The following TFAP2A variants were observed in gnomAD, a reference collection of about 807,000 sequenced individuals.
TFAP2A encodes the protein transcription factor AP-2-alpha.
In TFAP2A, 7 loss-of-function variants were observed where a neutral mutation model predicts 41.5. That is an observed-to-expected ratio of 0.17 (90% confidence interval 0.10 to 0.32). The LOEUF is 0.32. Among genes scored for constraint, TFAP2A ranks in the 10% least tolerant of loss-of-function variants. TFAP2A has a pLI of 1.00. For synonymous variants in TFAP2A, 247 were observed against 242.8 expected, an observed-to-expected ratio of 1.02 and a Z score of -0.16; for missense variants, 416 against 563.3, an observed-to-expected ratio of 0.74 and a Z score of 2.65.
Position 10,398,366 on chromosome 6 carries a change from G to A in TFAP2A, c.*51C>T. The A allele has an allele frequency of 6.2e-7, 1 of 1,609,698 alleles. No individual in the cohort carries two copies. The highest frequency in any genetic ancestry group is 1.3e-5 in the African/African-American group (1 of 74,730). ...CGGAGCTGTCACCCGCCGGAGGGTG[G>A]GCGCGCGGGGGGCTGGTGAGGCGTG... On this transcript the variant is annotated 3_prime_UTR_variant, in exon 7 of 7. Coordinates refer to ENST00000379613, the MANE Select transcript of TFAP2A (RefSeq NM_001372066.1). The surrounding 1 kb of genome is among the most constrained non-coding windows in gnomAD (Gnocchi z 5.3).
rs369249926 is a variant in TFAP2A, at chr6:10,404,280, T to G, written c.770+228A>C. Among the ~76,000 whole-genome samples the G allele has an allele frequency of 6.6e-4, 100 of 152,262 alleles. 1 individual carries two copies. Among genetic ancestry groups the G allele is most frequent in the Admixed American group, 5.8e-3 (89 of 15,304 alleles). On this transcript the variant is annotated intron_variant, in intron 4 of 6. Coordinates refer to ENST00000379613, the MANE Select transcript of TFAP2A (RefSeq NM_001372066.1). ...CAGCGAACGAAGCGCGCACCAGAAC[T>G]CGCTCGCGGGAAAGCAGCGGAGAGC...
In TFAP2A at chr6:10,398,888, G is replaced by GACC. The variant is rs1761898596; in HGVS notation, c.1032-186_1032-184dup. On this transcript the variant is annotated intron_variant, in intron 6 of 6. Transcript: ENST00000379613. This position sits in a 1 kb window ranked among gnomAD's most constrained non-coding sequence, Gnocchi z 5.3. Reference sequence around the variant, plus strand: ...TTGGGAGATCCAGCCACCTTTCAGTGACCACTAAACCATCTCTCTTTACTT... The same window carrying GACC: ...TTGGGAGATCCAGCCACCTTTCAGTGACCACCACTAAACCATCTCTCTTTACTT... Among the ~76,000 whole-genome samples the GACC allele has an allele frequency of 2.0e-5, 3 of 152,084 alleles. No homozygotes were observed.
intron 6 of TFAP2A, among the ~76,000 whole-genome samples, chr6:10,399,374 C>T (rs1402518290): frequency 6.6e-6 from 1 of 152,228 alleles, no homozygotes; most frequent in Non-Finnish European, 1.5e-5. Context: ...TTTCCCATTC[C>T]TCCTCTTTCC....
At chr6:10,407,013 G>A in intron 2 of TFAP2A, 169 bp from the exon 3 acceptor site, 1 of 661,862 alleles carries the variant, frequency 1.5e-6, no homozygotes, top group South Asian at 1.7e-5. Flanking sequence ...TTGGGGCTTT[G>A]CAACTCAAGA....
intron 4 of TFAP2A, among the ~76,000 whole-genome samples, chr6:10,403,906 T>G (rs189576736): frequency 3.3e-5 from 5 of 152,286 alleles, no homozygotes; most frequent in Non-Finnish European, 7.4e-5. Context: ...AAATTGGGAA[T>G]CATCATCATA....
chr6:10,404,577 G>C lies in TFAP2A; in HGVS notation c.701C>G (p.Ala234Gly). 1 of 1,614,108 alleles carries C rather than the reference G, an allele frequency of 6.2e-7. No individual in the cohort carries two copies. The highest frequency in any genetic ancestry group is 8.5e-7 in the Non-Finnish European group (1 of 1,179,992). Residue 234 changes from alanine to glycine, a missense_variant, in exon 4 of 7, where the codon GCG becomes GGG. Ala to Gly is a moderately conservative substitution (Grantham distance 60). Around this residue, in one of 3 missense-constraint regions of TFAP2A, gnomAD observed 59 missense variants for 135.4 expected, o/e 0.44. Coordinates refer to ENST00000379613, the MANE Select transcript of TFAP2A (RefSeq NM_001372066.1). ...SSTSKYKVTVAEVQRRLSPPE... is the reference protein window; with the variant it reads ...SSTSKYKVTVGEVQRRLSPPE... ...TGGTGAGAGCCGCCGCTGCACTTCC[G>C]CCACCGTGACCTTGTACTTCGAGGT...
intron 6 of TFAP2A, 73 bp downstream of exon 6, chr6:10,400,375 G>C (rs945508844): frequency 6.3e-7 from 1 of 1,595,030 alleles, no homozygotes; most frequent in Non-Finnish European, 8.6e-7. Flanking sequence ...GGAGAAGGAA[G>C]AGCAAAAACG....
At position 10,414,913 on chromosome 6, in the gene TFAP2A, C is replaced by G. The variant is rs752108595; in HGVS notation, c.51+28G>C. 3.1e-6 allele frequency: 5 copies of G among 1,613,064 alleles called. No homozygotes were observed. In the East Asian group the frequency reaches 8.9e-5, roughly 29 times the overall value. On this transcript the variant is annotated intron_variant, in intron 1 of 6. Coordinates refer to ENST00000379613, the MANE Select transcript of TFAP2A (RefSeq NM_001372066.1). ...GTCAAGCTCGGAGCCTGTGACCGCA[C>G]GGATGATCGAGCCGGCGTCGCGCTT...
At chr6:10,407,146 A>C in intron 2 of TFAP2A, 3 of 421,580 alleles carry the variant, frequency 7.1e-6, no homozygotes, top group Non-Finnish European at 1.3e-5. Context: ...GCACCTAATC[A>C]TTCTCAGTCA....
In TFAP2A at chr6:10,398,543, C is replaced by A. The variant is rs2230116; in HGVS notation, c.1194G>T (p.Thr398=). The A allele has an allele frequency of 2.7e-3, 4,283 of 1,614,180 alleles. 111 individuals carry two copies. In the African/African-American group the frequency reaches 0.051, roughly 19 times the overall value. The change falls in exon 7 of 7, where the codon ACG becomes ACT. Residue 398 remains threonine, a synonymous_variant. Coordinates refer to ENST00000379613, the MANE Select transcript of TFAP2A (RefSeq NM_001372066.1). This position sits in a 1 kb window ranked among gnomAD's most constrained non-coding sequence, Gnocchi z 5.3. The part of the protein sequence containing the change: ...FGSPAVCAAV[T]ALQNYLTEAL... The stretch of plus-strand genomic sequence containing the variant: ...CCTCGGTGAGATAGTTCTGCAGGGC[C>A]GTGACCGCGGCACACACCGCGGGGC...
chr6:10,398,789 C>T lies in TFAP2A; in HGVS notation c.1032-84G>A. ...AGCAAAGAGAAAACCTCCCTCCCTG[C>T]AGCTACCTCTGCCGGGATCCAGCCG... On this transcript the variant is annotated intron_variant, in intron 6 of 6. Transcript: ENST00000379613. This position sits in a 1 kb window ranked among gnomAD's most constrained non-coding sequence, Gnocchi z 5.3. 6.6e-7 allele frequency: 1 copy of T among 1,511,442 alleles called. No individual in the cohort carries two copies. Among genetic ancestry groups the T allele is most frequent in the Non-Finnish European group, 9.0e-7 (1 of 1,112,004 alleles). The allele number at this position is 1,511,442 out of a possible 1,614,324, so 93.6% of individuals were successfully genotyped here.
Position 10,398,613 on chromosome 6 carries a change from T to C in TFAP2A, c.1124A>G (p.Gln375Arg). Residue 375 changes from glutamine to arginine, a missense_variant, in exon 7 of 7, where the codon CAG (glutamine) becomes CGG (arginine). Physicochemically the swap from Gln to Arg is conservative, Grantham distance 43. Around this residue, in one of 3 missense-constraint regions of TFAP2A, gnomAD observed 116 missense variants for 153.8 expected, o/e 0.75. Transcript: ENST00000379613. This position sits in a 1 kb window ranked among gnomAD's most constrained non-coding sequence, Gnocchi z 5.3. ...GAGGTTGAAGTGGGTCAAGCAGCTC[T>C]GGATGCCGGGCTCCAGGATGGGGTT... ...RPNPILEPGIQSCLTHFNLIS... is the reference protein window; with the variant it reads ...RPNPILEPGIRSCLTHFNLIS... 6.2e-7 allele frequency: 1 copy of C among 1,614,214 alleles called. No homozygotes were observed. Among genetic ancestry groups the C allele is most frequent in the Non-Finnish European group, 8.5e-7 (1 of 1,180,018 alleles).
chr6:10,404,361 C>T (rs1189155086), intron 4 of TFAP2A, 147 bp downstream of exon 4: 1 of 465,330 alleles, frequency 2.1e-6, no homozygotes, highest in Non-Finnish European at 3.4e-6. Flanking sequence ...CCACTTGGCT[C>T]TACGCTCTTC....
At chr6:10,413,455 GA>G (rs1319726395) in intron 1 of TFAP2A, among the ~76,000 whole-genome samples, 9 of 152,162 alleles carry the variant, frequency 5.9e-5, no homozygotes, top group Non-Finnish European at 1.3e-4. Flanking sequence ...CGGCCTCTGC[GA>G]AAGTGAAATG....
chr6:10,398,109 G>A lies in TFAP2A; in HGVS notation c.*308C>T. The A allele has an allele frequency of 7.9e-7, 1 of 1,268,916 alleles. No homozygotes were observed. Among genetic ancestry groups the A allele is most frequent in the Non-Finnish European group, 9.9e-7 (1 of 1,006,996 alleles). The allele number at this position is 1,268,916 out of a possible 1,614,324, so 78.6% of individuals were successfully genotyped here. ...AAAAAAAAAAGGGTTCACAAACTTG[G>A]CAGAACTTTTCTCTGCTGGCTTCAC... On this transcript the variant is annotated 3_prime_UTR_variant, in exon 7 of 7. Transcript: ENST00000379613. The surrounding 1 kb of genome is among the most constrained non-coding windows in gnomAD (Gnocchi z 5.3).
At position 10,404,664 on chromosome 6, in the gene TFAP2A, C is replaced by T. The variant is rs763437712; in HGVS notation, c.614G>A (p.Gly205Asp). Residue 205 changes from glycine to aspartate, a missense_variant, in exon 4 of 7, where the codon GGC (glycine) becomes GAC (aspartate). Coordinates refer to ENST00000379613, the MANE Select transcript of TFAP2A (RefSeq NM_001372066.1). ...IPINKDNLFGGVVNPNEVFCS... is the reference protein window; with the variant it reads ...IPINKDNLFGDVVNPNEVFCS... The stretch of plus-strand genomic sequence containing the variant: ...GAAGACTTCGTTGGGGTTCACCACG[C>T]CGCCGAAGAGGTTGTCCTTGTTAAT... The T allele has an allele frequency of 3.8e-5, 61 of 1,614,098 alleles. No homozygotes were observed. Among genetic ancestry groups the T allele is most frequent in the Non-Finnish European group, 4.7e-5 (55 of 1,180,042 alleles).
chr6:10,416,491 G>A (rs1242752416), upstream of TFAP2A: 2 of 151,596 alleles, frequency 1.3e-5, no homozygotes, highest in Non-Finnish European at 2.9e-5. Context: ...TAATTTTCCT[G>A]GCTGAGCTTC....
In TFAP2A at chr6:10,404,644, C is replaced by G. The variant is rs749528750; in HGVS notation, c.634G>C (p.Val212Leu). 10 of 1,614,082 alleles carry G rather than the reference C, an allele frequency of 6.2e-6. No homozygotes were observed. Among genetic ancestry groups the G allele is most frequent in the Non-Finnish European group, 7.6e-6 (9 of 1,180,044 alleles). ...LFGGVVNPNEVFCSVPGRLSL... is the reference protein window; with the variant it reads ...LFGGVVNPNELFCSVPGRLSL... ...AGGCGACCCGGAACTGAACAGAAGA[C>G]TTCGTTGGGGTTCACCACGCCGCCG... is the stretch of plus-strand genomic sequence containing the variant. Residue 212 changes from valine (V) to leucine (L), a missense_variant, in exon 4 of 7, where the codon GTC (valine) becomes CTC (leucine). By Grantham distance (32) the Val-to-Leu change is conservative. Transcript: ENST00000379613.
upstream of TFAP2A, chr6:10,415,399 G>T: frequency 1.7e-6 from 1 of 601,236 alleles, no homozygotes; most frequent in South Asian, 2.8e-5. Flanking sequence ...GCCTCTCTAC[G>T]CCGCGAACTT....
Sources: gnomAD v4.1 joint callset for allele counts (sites outside exome capture counted in the v4.1 genomes callset) on GRCh38, gnomAD v4.1.1 for gene constraint, gnomAD v4.1.1 regional missense constraint, Gnocchi (gnomAD v3.1) non-coding constraint, MANE v1.5 for transcripts, NCBI Gene and HGNC (gene_info 2026-07-23, HGNC 2026-07-21) for gene names.